Variants in OPRM1 observed in about 807,000 individuals in gnomAD.
OPRM1 encodes the protein mu-type opioid receptor.
In OPRM1, 27 loss-of-function variants were observed where a neutral mutation model predicts 31.8. That is an observed-to-expected ratio of 0.85 (90% CI 0.63 to 1.17). The LOEUF (loss-of-function observed/expected upper bound fraction) is 1.17. Among genes scored for constraint, OPRM1 ranks in the 50% most tolerant of loss-of-function variants. OPRM1 has a pLI of 0.00. For synonymous variants in OPRM1, 196 were observed against 189.9 expected, an observed-to-expected ratio of 1.03 and a Z score of -0.26; for missense variants, 536 against 511.1, an observed-to-expected ratio of 1.05 and a Z score of -0.47.
chr6:154,109,132 T>C (rs940499926), intron 3 of OPRM1: 2 of 654,216 alleles, frequency 3.1e-6, no homozygotes, highest in Non-Finnish European at 3.8e-6. Context: ...TTAGATTGTG[T>C]TCAGAGATGA....
intron 3 of OPRM1, among the ~76,000 whole-genome samples, chr6:154,229,525 A>ATT (rs369132657): frequency 2.8e-5 from 4 of 141,040 alleles, no homozygotes; most frequent in East Asian, 2.0e-4. Flanking sequence ...CATTTTTTGT[A>ATT]TTTTTTTTTT....
In OPRM1 at chr6:154,127,201, C is replaced by T. The variant is rs889538916; in HGVS notation, c.*8480C>T. ...ATGCAGTATTAAATTCTACACTTTTCCTACCATAGTGATACATGTGGCTTT... is the reference window on the plus strand; with the variant it reads ...ATGCAGTATTAAATTCTACACTTTTTCTACCATAGTGATACATGTGGCTTT... On this transcript the variant is annotated 3_prime_UTR_variant, in exon 4 of 4. Transcript: ENST00000330432. Among the ~76,000 whole-genome samples, 15 of 151,460 alleles carry T rather than the reference C, an allele frequency of 9.9e-5. No homozygotes were observed. Among genetic ancestry groups the T allele is most frequent in the Non-Finnish European group, 4.4e-5 (3 of 67,994 alleles).
rs1217658708 is a variant in OPRM1, at chr6:154,124,169, T to C, written c.*5448T>C. 6.6e-6 allele frequency among the ~76,000 whole-genome samples: 1 copy of C among 152,212 alleles called. No homozygotes were observed. Among genetic ancestry groups the C allele is most frequent in the Admixed American group, 6.5e-5 (1 of 15,286 alleles). On this transcript the variant is annotated 3_prime_UTR_variant, in exon 4 of 4. Transcript: ENST00000330432. Reference sequence around the variant, plus strand: ...AAGGTACTTTCCACACAATATTGAATAAATGCAGTGTATACATTTTTAAAG... The same window carrying C: ...AAGGTACTTTCCACACAATATTGAACAAATGCAGTGTATACATTTTTAAAG...
rs749221847 is a variant in OPRM1 at position 154,168,110 on chromosome 6, T to G, written c.1164+76638T>G. On this transcript the variant is annotated intron_variant, in intron 3 of 3. Transcript: ENST00000337049. This position sits in a 1 kb window ranked among gnomAD's most constrained non-coding sequence, Gnocchi z 4.1. ...TTCATCATCTTCAGACACTTTTGTC[T>G]CTTCTATTTGAAAAAAAAAAAGAAA... 7.2e-6 allele frequency: 11 copies of G among 1,528,008 alleles called. No individual in the cohort carries two copies. Among genetic ancestry groups the G allele is most frequent in the African/African-American group, 1.4e-5 (1 of 71,806 alleles). The allele number at this position is 1,528,008 out of a possible 1,614,324, so 94.7% of individuals were successfully genotyped here.
chr6:154,074,819 G>A (rs1275903421), intron 1 of OPRM1, among the ~76,000 whole-genome samples: 1 of 151,926 alleles, frequency 6.6e-6, no homozygotes, highest in Admixed American at 6.6e-5. Flanking sequence ...AAGAAAATGG[G>A]ATGGAAATGG....
At chr6:154,065,177 G>T (rs1180559216) in intron 1 of OPRM1, among the ~76,000 whole-genome samples, 2 of 142,670 alleles carry the variant, frequency 1.4e-5, no homozygotes, top group Admixed American at 7.2e-5. Flanking sequence ...TTTAGACAGA[G>T]TCTCACTCTG....
intron 1 of OPRM1, among the ~76,000 whole-genome samples, chr6:154,066,128 A>G (rs371231442): frequency 2.7e-4 from 41 of 152,310 alleles, no homozygotes; most frequent in African/African-American, 9.6e-4. Context: ...CCAGTTGATT[A>G]TAATGTATAA....
intron 3 of OPRM1, among the ~76,000 whole-genome samples, chr6:154,189,805 C>T (rs1801704169): frequency 1.3e-5 from 2 of 151,924 alleles, no homozygotes; most frequent in South Asian, 4.2e-4. Flanking sequence ...CCTGTCTCTA[C>T]TAAAAATACA....
At position 154,154,966 on chromosome 6, in the gene OPRM1, C is replaced by T. The variant is rs148100273; in HGVS notation, c.1164+63494C>T. ...ATTAAAACTCCTGGTTTCTATTTTA[C>T]GGCATTTGCTCTTTCCACGAGGCAC... On this transcript the variant is annotated intron_variant, in intron 3 of 3. Coordinates refer to the OPRM1 transcript ENST00000337049. 5.1e-3 allele frequency: 783 copies of T among 152,300 alleles called. 6 individuals carry two copies. The highest frequency in any genetic ancestry group is 0.01 in the Middle Eastern group (3 of 296). The allele number at this position is 152,300 out of a possible 1,614,324, so 9.4% of individuals were successfully genotyped here.
intron 1 of OPRM1, among the ~76,000 whole-genome samples, chr6:154,071,796 G>A (rs1246509489): frequency 6.6e-6 from 1 of 152,200 alleles, no homozygotes; most frequent in Non-Finnish European, 1.5e-5. Context: ...ATAAGAAGCA[G>A]TGGTTACTTA....
At chr6:154,133,275 G>A (rs2128535224), downstream of OPRM1, among the ~76,000 whole-genome samples, 1 of 152,334 alleles carries the variant, frequency 6.6e-6, no homozygotes, top group African/African-American at 2.4e-5. Flanking sequence ...ATTACCAGAT[G>A]TAATTTCCTG....
At chr6:154,023,278 A>G (rs990876124) in intron 1 of OPRM1, among the ~76,000 whole-genome samples, 22 of 152,144 alleles carry the variant, frequency 1.4e-4, no homozygotes, top group Middle Eastern at 3.4e-3. Context: ...TCTTTGGTTA[A>G]TTTAACTCCT....
intron 3 of OPRM1, among the ~76,000 whole-genome samples, chr6:154,178,478 TA>T (rs939273187): frequency 6.6e-6 from 1 of 152,168 alleles, no homozygotes; most frequent in Non-Finnish European, 1.5e-5. Flanking sequence ...ACCTTTATGT[TA>T]AAAATATCGA....
At chr6:154,066,125 A>C (rs1785352319) in intron 1 of OPRM1, among the ~76,000 whole-genome samples, 1 of 152,182 alleles carries the variant, frequency 6.6e-6, no homozygotes, top group African/African-American at 2.4e-5. Context: ...ATCCCAGTTG[A>C]TTATAATGTA....
chr6:154,019,948 C>A (rs1436730029), intron 1 of OPRM1, among the ~76,000 whole-genome samples: 1 of 151,856 alleles, frequency 6.6e-6, no homozygotes, highest in Admixed American at 6.6e-5. Flanking sequence ...TGGCCAGGGT[C>A]GTCTCAAACT....
At chr6:154,109,236 T>A (rs1378117156) in intron 3 of OPRM1, among the ~76,000 whole-genome samples, 1 of 152,184 alleles carries the variant, frequency 6.6e-6, no homozygotes, top group Non-Finnish European at 1.5e-5. Flanking sequence ...CTTCATATGC[T>A]TAAAGCAATG....
At position 154,159,706 on chromosome 6, in the gene OPRM1, T is replaced by C; in HGVS notation, c.1164+68234T>C. 3 of 726,518 alleles carry C rather than the reference T, an allele frequency of 4.1e-6. No homozygotes were observed. The South Asian group carries it at 5.0e-5, about 12-fold the overall frequency. The allele number at this position is 726,518 out of a possible 1,614,324, so 45.0% of individuals were successfully genotyped here. On this transcript the variant is annotated intron_variant, in intron 3 of 3. Transcript: ENST00000337049. ...TCTTCATCTAACGTGCATCTTTAGA[T>C]GGGAAGCTGATGCTTGAAGGACTGG...
chr6:154,188,312 T>C (rs1801562218), intron 3 of OPRM1, among the ~76,000 whole-genome samples: 1 of 152,208 alleles, frequency 6.6e-6, no homozygotes, highest in Non-Finnish European at 1.5e-5. Context: ...AGACTTTTCA[T>C]AGAAAATATA....
chr6:154,150,033 T>C (rs1037021288), intron 3 of OPRM1, among the ~76,000 whole-genome samples: 2 of 152,210 alleles, frequency 1.3e-5, no homozygotes, highest in African/African-American at 4.8e-5. Context: ...GATTATCTGC[T>C]AGTGGGTTTC....
Sources: gnomAD v4.1 joint callset for allele counts (sites outside exome capture counted in the v4.1 genomes callset) on GRCh38, gnomAD v4.1.1 for gene constraint, Gnocchi (gnomAD v3.1) non-coding constraint, MANE v1.5 for transcripts, NCBI Gene and HGNC (gene_info 2026-07-23, HGNC 2026-07-21) for gene names.